Variants in PCYT1B observed in about 807,000 individuals in gnomAD.
PCYT1B encodes choline-phosphate cytidylyltransferase B.
A neutral mutation model predicts 26.4 loss-of-function variants in PCYT1B; 10 were observed. That is an observed-to-expected ratio of 0.38 (90% CI 0.23 to 0.64). The LOEUF (loss-of-function observed/expected upper bound fraction) is 0.64. PCYT1B is among the 30% of genes least tolerant of loss of function. The pLI is 0.56. For missense variants in PCYT1B, 161 were observed against 292.7 expected (o/e 0.55, Z 3.28); for synonymous variants, 131 against 108.4 (o/e 1.21, Z -1.29).
rs558913649 is a variant in PCYT1B, at chrX:24,618,711, G to A, written c.217+274C>T. Among the ~76,000 whole-genome samples the A allele has an allele frequency of 1.7e-4, 18 of 108,639 alleles. No homozygotes were observed. In the South Asian group the frequency reaches 2.5e-3, roughly 15 times the overall value. The allele number at this position is 108,639 out of a possible 115,157, so 94.3% of individuals were successfully genotyped here. A position where few individuals can be genotyped will look rare whatever the true frequency, so the allele number is the denominator to read the frequency against. On this transcript the variant is annotated intron_variant, in intron 2 of 7. Coordinates refer to ENST00000379144, the MANE Select transcript of PCYT1B (RefSeq NM_004845.5). The stretch of plus-strand genomic sequence containing the variant: ...CGGCTCACTGCAATCTCCACCTCCC[G>A]GGTTCAAGCAGTCCTCCCACCTCAG...
At chrX:24,575,053 C>T in intron 7 of PCYT1B, 77 bp downstream of exon 7, 2 of 855,317 alleles carry the variant, frequency 2.3e-6, no homozygotes, top group Non-Finnish European at 3.3e-6. Context: ...ATAAGGGGCA[C>T]CCTTGAGTGG....
chrX:24,610,499 T>C (rs1382147564), intron 2 of PCYT1B, among the ~76,000 whole-genome samples: 1 of 111,936 alleles, frequency 8.9e-6, no homozygotes, highest in Non-Finnish European at 1.9e-5. Context: ...TCTTATTCAA[T>C]GTGAATTCAA....
intron 1 of PCYT1B, among the ~76,000 whole-genome samples, chrX:24,621,276 A>G (rs1054959608): frequency 9.0e-6 from 1 of 111,278 alleles, no homozygotes; most frequent in African/African-American, 3.3e-5. Context: ...TTTGAACCTC[A>G]GTTTCATCTA....
At chrX:24,567,175 A>G (rs1242775244) in intron 7 of PCYT1B, among the ~76,000 whole-genome samples, 1 of 112,617 alleles carries the variant, frequency 8.9e-6, no homozygotes, top group African/African-American at 3.2e-5. Context: ...CAGGATTTCC[A>G]TTAGAAGTTC....
At chrX:24,666,178 A>G (rs749226009) in intron 1 of PCYT1B, among the ~76,000 whole-genome samples, 1 of 111,437 alleles carries the variant, frequency 9.0e-6, no homozygotes, top group South Asian at 3.8e-4. Context: ...AACAGCCTAG[A>G]GATGACCTTA....
At chrX:24,621,470 T>G (rs1425389500) in intron 1 of PCYT1B, among the ~76,000 whole-genome samples, 1 of 111,464 alleles carries the variant, frequency 9.0e-6, no homozygotes, top group African/African-American at 3.3e-5. Context: ...CATTTTTATT[T>G]ATTTTTTATT....
chrX:24,578,294 C>T (rs1210400194), intron 6 of PCYT1B, among the ~76,000 whole-genome samples: 2 of 109,001 alleles, frequency 1.8e-5, no homozygotes, highest in African/African-American at 6.7e-5. Flanking sequence ...ACAATGAGAA[C>T]ACATGGACAT....
chrX:24,671,364 T>TCAAA (rs56735133), intron 1 of PCYT1B, among the ~76,000 whole-genome samples: 1 of 110,659 alleles, frequency 9.0e-6, no homozygotes, highest in Non-Finnish European at 1.9e-5. Context: ...AATCAATCAA[T>TCAAA]GCCTCCTGAT....
At chrX:24,637,491 A>AAAAATATATATATATATAT in intron 1 of PCYT1B, among the ~76,000 whole-genome samples, 1 of 52,892 alleles carries the variant, frequency 1.9e-5, no homozygotes, top group Non-Finnish European at 2.9e-5. Context: ...AAAAAAAAAA[A>AAAAATATATATATATATAT]ATATATATAT....
intron 1 of PCYT1B, among the ~76,000 whole-genome samples, chrX:24,635,329 C>T (rs1926238730): frequency 8.9e-6 from 1 of 111,764 alleles, no homozygotes; most frequent in African/African-American, 3.2e-5. Context: ...AAATGCATTC[C>T]TTTGTCAGCA....
chrX:24,648,449 A>ATTTTTTTTTTTTTTTTTTTTTTTTTTTTT (rs57744798), upstream of PCYT1B, among the ~76,000 whole-genome samples: 6 of 39,723 alleles, frequency 1.5e-4, 1 homozygote, highest in African/African-American at 8.4e-4. Context: ...ATTTGAAGGA[A>ATTTTTTTTTTTTTTTTTTTTTTTTTTTTT]TTTTTTTTTT....
intron 2 of PCYT1B, among the ~76,000 whole-genome samples, chrX:24,610,300 A>C (rs2148248236): frequency 8.9e-6 from 1 of 111,846 alleles, no homozygotes; most frequent in East Asian, 2.8e-4. Flanking sequence ...TAATAAATTA[A>C]ATTTCTCTAA....
intron 3 of PCYT1B, among the ~76,000 whole-genome samples, chrX:24,590,658 C>T (rs1179242385): frequency 9.0e-6 from 1 of 110,967 alleles, no homozygotes. Flanking sequence ...GACAGACAGA[C>T]ACACACACAA....
chrX:24,643,778 C>T (rs146371030), intron 1 of PCYT1B, among the ~76,000 whole-genome samples: 433 of 112,193 alleles, frequency 3.9e-3, no homozygotes, highest in African/African-American at 0.013. Context: ...TATTCACTCA[C>T]GTATGCCAGC....
rs963871963 is a variant in PCYT1B, at chrX:24,655,296, T to C, written c.63+17274A>G. 2.7e-5 allele frequency among the ~76,000 whole-genome samples: 3 copies of C among 112,352 alleles called. No homozygotes were observed. The Admixed American group carries it at 2.8e-4, about 11-fold the overall frequency. ...CATTGTGTGATACACAGTAGTTAGA[T>C]TTGCTTTATTAACAAGCCTGCTGAG... On this transcript the variant is annotated intron_variant, in intron 1 of 7. Coordinates refer to the PCYT1B transcript ENST00000379145.
At chrX:24,642,955 T>C (rs1926510843) in intron 1 of PCYT1B, among the ~76,000 whole-genome samples, 3 of 112,028 alleles carry the variant, frequency 2.7e-5, no homozygotes, top group African/African-American at 9.7e-5. Context: ...CGAAATGAAC[T>C]CCTCCTGCTA....
At chrX:24,585,062 G>A (rs1924324677) in intron 5 of PCYT1B, among the ~76,000 whole-genome samples, 1 of 111,450 alleles carries the variant, frequency 9.0e-6, no homozygotes, top group African/African-American at 3.3e-5. Context: ...AATTAATTAA[G>A]GGGCAGTTTT....
intron 1 of PCYT1B, among the ~76,000 whole-genome samples, chrX:24,646,231 T>C (rs1172642947): frequency 1.8e-5 from 2 of 111,295 alleles, no homozygotes; most frequent in Non-Finnish European, 3.8e-5. Context: ...TAAAAGATCA[T>C]GACCAGGGAT....
chrX:24,593,818 C>T (rs1052280421), intron 3 of PCYT1B, among the ~76,000 whole-genome samples: 22 of 111,154 alleles, frequency 2.0e-4, no homozygotes, highest in African/African-American at 5.9e-4. Context: ...TGAGCCACCG[C>T]GCCTGGCCTA....
Sources: gnomAD v4.1 joint callset for allele counts (sites outside exome capture counted in the v4.1 genomes callset) on GRCh38, gnomAD v4.1.1 for gene constraint, MANE v1.5 for transcripts, NCBI Gene and HGNC (gene_info 2026-07-23, HGNC 2026-07-21) for gene names.